GTPBP2: variants seen among roughly 807,000 people sequenced by gnomAD.
The protein encoded by GTPBP2 is GTP binding protein 2.
Under a neutral mutation model 63.0 loss-of-function variants are expected in GTPBP2, and 32 were observed. The ratio of observed to expected loss-of-function variants is 0.51; its 90% CI spans 0.38 to 0.68. GTPBP2 has a LOEUF of 0.68. Among genes scored for constraint, GTPBP2 ranks in the 30% least tolerant of loss-of-function variants. GTPBP2 has a pLI of 0.00. For missense variants in GTPBP2, 492 were observed against 796.9 expected (o/e 0.62, Z 4.61); for synonymous variants, 310 against 322.6 (o/e 0.96, Z 0.42).
At chr6:43,623,564 A>G in intron 9 of GTPBP2, 173 bp downstream of exon 9, 1 of 623,030 alleles carries the variant, frequency 1.6e-6, no homozygotes. Flanking sequence ...CTTCCCTCCA[A>G]AGCCAACAGA....
chr6:43,623,414 G>GAAAGA (rs1768983105), intron 9 of GTPBP2: 2 of 325,372 alleles, frequency 6.1e-6, no homozygotes, highest in African/African-American at 4.3e-5. Context: ...AAGAAAGAAA[G>GAAAGA]AAGAGTCTTA....
At chr6:43,627,942 A>G (rs1769510659) in intron 1 of GTPBP2, among the ~76,000 whole-genome samples, 1 of 152,246 alleles carries the variant, frequency 6.6e-6, no homozygotes, top group Non-Finnish European at 1.5e-5. Context: ...AATGTGGTAC[A>G]AGAATGACAG....
chr6:43,622,103 A>G lies in GTPBP2; in HGVS notation c.1532T>C (p.Val511Ala), dbSNP rs1476010728. The G allele has an allele frequency of 6.2e-7, 1 of 1,613,904 alleles. No homozygotes were observed. The highest frequency in any genetic ancestry group is 8.5e-7 in the Non-Finnish European group (1 of 1,179,936). ...GAAGGTGGTGGCATGGAACAGTAAG[A>G]CTATCTCTGCCTCAAACACCGAGCA... Reference protein sequence around the residue: ...TICSVFEAEIVLLFHATTFRR... With the variant: ...TICSVFEAEIALLFHATTFRR... The change falls in exon 11 of 12, where the codon GTC becomes GCC. Residue 511 changes from valine to alanine, a missense_variant. By Grantham distance (64) the Val-to-Ala change is moderately conservative (BLOSUM62 0). Transcript: ENST00000307126. This position sits in a 1 kb window ranked among gnomAD's most constrained non-coding sequence, Gnocchi z 5.4.
rs1769071348 is a variant in GTPBP2 at position 43,624,063 on chromosome 6, G to A, written c.1106C>T (p.Thr369Ile). The A allele has an allele frequency of 6.2e-7, 1 of 1,612,326 alleles. No individual in the cohort carries two copies. Among genetic ancestry groups the A allele is most frequent in the Non-Finnish European group, 8.5e-7 (1 of 1,178,878 alleles). ...AQQFAQSPNV[T>I]PIFTLSSVSG... Reference sequence around the variant, plus strand: ...CACACTGGACAATGTGAAGATGGGGGTGACACTGTAGAGGGAGGCATGGAA... The same window carrying A: ...CACACTGGACAATGTGAAGATGGGGATGACACTGTAGAGGGAGGCATGGAA... The change falls in exon 8 of 12, where the codon ACC becomes ATC. Residue 369 changes from threonine to isoleucine, a missense_variant. By Grantham distance (89) the Thr-to-Ile change is moderately conservative (BLOSUM62 -1). This residue lies in a region of GTPBP2 where 400 missense variants were observed against 710.8 expected (regional missense o/e 0.56). Coordinates refer to ENST00000307126, the MANE Select transcript of GTPBP2 (RefSeq NM_019096.5). The surrounding 1 kb of genome is among the most constrained non-coding windows in gnomAD (Gnocchi z 5.1).
chr6:43,625,485 C>T lies in GTPBP2; in HGVS notation c.583G>A (p.Gly195Arg). ...CGGCCCCGCCCATTGTCCAGCTCTC[C>T]CTGGGTCAGGACTCCAAGCAGAGTT... ...KSTLLGVLTQ[G>R]ELDNGRGRAR... is the part of the protein sequence containing the mutation. Residue 195 changes from glycine to arginine, a missense_variant, in exon 5 of 12, where the codon GGA (glycine) becomes AGA (arginine). Transcript: ENST00000307126. This position sits in a 1 kb window ranked among gnomAD's most constrained non-coding sequence, Gnocchi z 5.1. The T allele has an allele frequency of 6.2e-7, 1 of 1,614,004 alleles. No individual in the cohort carries two copies. Among genetic ancestry groups the T allele is most frequent in the Non-Finnish European group, 8.5e-7 (1 of 1,179,898 alleles).
chr6:43,629,626 G>A, upstream of GTPBP2: 5 of 1,008,182 alleles, frequency 5.0e-6, no homozygotes, highest in Middle Eastern at 3.0e-4. Flanking sequence ...CTTTGTGGGC[G>A]CTCCGGGATT....
upstream of GTPBP2, chr6:43,629,461 C>A (rs186051794): frequency 2.8e-5 from 16 of 568,518 alleles, no homozygotes; most frequent in Non-Finnish European, 4.9e-5. Context: ...GGGGAAGGAG[C>A]GCGCCTTGGC....
chr6:43,630,813 G>A (rs1215794654), upstream of GTPBP2, among the ~76,000 whole-genome samples: 1 of 149,904 alleles, frequency 6.7e-6, no homozygotes, highest in Non-Finnish European at 1.5e-5. Context: ...GGAGACTGAG[G>A]CAGGAGAATC....
upstream of GTPBP2, chr6:43,629,534 G>A (rs1440619483): frequency 2.4e-5 from 15 of 636,026 alleles, no homozygotes; most frequent in African/African-American, 1.8e-5. Context: ...CTTTTTCTAG[G>A]ACTTGGGGGG....
In GTPBP2 at chr6:43,621,154, T is replaced by G. The variant is rs769827721; in HGVS notation, c.*460A>C. 3.0e-6 allele frequency: 1 copy of G among 330,764 alleles called. No homozygotes were observed. Among genetic ancestry groups the G allele is most frequent in the Non-Finnish European group, 6.0e-6 (1 of 165,566 alleles). The allele number at this position is 330,764 out of a possible 1,614,324, so 20.5% of individuals were successfully genotyped here. On this transcript the variant is annotated 3_prime_UTR_variant, in exon 12 of 12. Coordinates refer to ENST00000307126, the MANE Select transcript of GTPBP2 (RefSeq NM_019096.5). ...AGATGGCCAAGAGCAGATAACCTTT[T>G]GTCCACAGCCAGGTAGAGATGGGCA...
chr6:43,624,192 G>T lies in GTPBP2; in HGVS notation c.1101-124C>A. The T allele has an allele frequency of 1.2e-6, 1 of 805,602 alleles. No homozygotes were observed. 49.9% of individuals were successfully genotyped at this position (805,602 alleles called of 1,614,324 possible). A position where few individuals can be genotyped will look rare whatever the true frequency, so the allele number is the denominator to read the frequency against. On this transcript the variant is annotated intron_variant, in intron 7 of 11. Transcript: ENST00000307126. This position sits in a 1 kb window ranked among gnomAD's most constrained non-coding sequence, Gnocchi z 5.1. The stretch of plus-strand genomic sequence containing the variant: ...GGGCCCCTCTCTCCTGTCTGCAAAT[G>T]GCTCAGGAACTCTGGGCCTTCTTGT...
chr6:43,621,773 G>T lies in GTPBP2; in HGVS notation c.1650C>A (p.Gly550=). Residue 550 remains glycine, a synonymous_variant, in exon 12 of 12, where the codon GGC becomes GGA. Coordinates refer to ENST00000307126, the MANE Select transcript of GTPBP2 (RefSeq NM_019096.5). ...KIHAKDKLRT[G]EKAVVRFRFL... ...AGCGGAAACGTACCACTGCCTTCTC[G>T]CCTGTCCGCAGTTTGTCCTGCAGCA... 1 of 1,614,126 alleles carries T rather than the reference G, an allele frequency of 6.2e-7. No homozygotes were observed. The highest frequency in any genetic ancestry group is 8.5e-7 in the Non-Finnish European group (1 of 1,180,022).
At position 43,622,868 on chromosome 6, in the gene GTPBP2, G is replaced by T; in HGVS notation, c.1296-64C>A. 7.8e-7 allele frequency: 1 copy of T among 1,285,598 alleles called. No homozygotes were observed. The highest frequency in any genetic ancestry group is 1.1e-6 in the Non-Finnish European group (1 of 914,044). 79.6% of individuals were successfully genotyped at this position (1,285,598 alleles called of 1,614,324 possible). The stretch of plus-strand genomic sequence containing the variant: ...GTCCCCATACCTACTTCTCTATTAG[G>T]ATCACCCAGAGCATTCCTTCCCTTC... On this transcript the variant is annotated intron_variant, in intron 9 of 11. Transcript: ENST00000307126. The surrounding 1 kb of genome is among the most constrained non-coding windows in gnomAD (Gnocchi z 5.4).
At chr6:43,630,789 G>C (rs1242783851), upstream of GTPBP2, among the ~76,000 whole-genome samples, 1 of 148,858 alleles carries the variant, frequency 6.7e-6, no homozygotes, top group South Asian at 2.1e-4. Context: ...CACATCTGTG[G>C]TCCCAGCTGC....
chr6:43,625,194 G>T lies in GTPBP2; in HGVS notation c.706-132C>A, dbSNP rs1385264274. On this transcript the variant is annotated intron_variant, in intron 5 of 11. Transcript: ENST00000307126. The surrounding 1 kb of genome is among the most constrained non-coding windows in gnomAD (Gnocchi z 5.1). The stretch of plus-strand genomic sequence containing the variant: ...ACCCCATTTTTTATTTAATTTAGTT[G>T]ATTCCCCATTGATTTCCTAAGAGGG... 2 of 1,037,982 alleles carry T rather than the reference G, an allele frequency of 1.9e-6. No individual in the cohort carries two copies. Among genetic ancestry groups the T allele is most frequent in the Non-Finnish European group, 2.9e-6 (2 of 695,392 alleles). 64.3% of individuals were successfully genotyped at this position (1,037,982 alleles called of 1,614,324 possible). A position where few individuals can be genotyped will look rare whatever the true frequency, so the allele number is the denominator to read the frequency against.
chr6:43,630,824 G>A (rs1374459895), upstream of GTPBP2, among the ~76,000 whole-genome samples: 8 of 146,294 alleles, frequency 5.5e-5, no homozygotes, highest in African/African-American at 1.8e-4. Flanking sequence ...CAGGAGAATC[G>A]CTTGAACTCG....
In GTPBP2 at chr6:43,622,292, G is replaced by T; in HGVS notation, c.1468-125C>A. ...TCCTCTACACAACTCTAAACACAAA[G>T]ACCTCAAAAGACAATAATCAAAACT... On this transcript the variant is annotated intron_variant, in intron 10 of 11. Coordinates refer to ENST00000307126, the MANE Select transcript of GTPBP2 (RefSeq NM_019096.5). The surrounding 1 kb of genome is among the most constrained non-coding windows in gnomAD (Gnocchi z 5.4). 1.3e-6 allele frequency: 1 copy of T among 757,450 alleles called. No homozygotes were observed. Among genetic ancestry groups the T allele is most frequent in the Non-Finnish European group, 2.1e-6 (1 of 475,856 alleles). 46.9% of individuals were successfully genotyped at this position (757,450 alleles called of 1,614,324 possible).
At position 43,624,187 on chromosome 6, in the gene GTPBP2, CA is replaced by C; in HGVS notation, c.1101-120del. 1 of 836,770 alleles carries C rather than the reference CA, an allele frequency of 1.2e-6. No individual in the cohort carries two copies. Among genetic ancestry groups the C allele is most frequent in the Non-Finnish European group, 1.8e-6 (1 of 543,184 alleles). 51.8% of individuals were successfully genotyped at this position (836,770 alleles called of 1,614,324 possible). On this transcript the variant is annotated intron_variant, in intron 7 of 11. Coordinates refer to ENST00000307126, the MANE Select transcript of GTPBP2 (RefSeq NM_019096.5). This position sits in a 1 kb window ranked among gnomAD's most constrained non-coding sequence, Gnocchi z 5.1. ...GCTGGGGGCCCCTCTCTCCTGTCTG[CA>C]AATGGCTCAGGAACTCTGGGCCTTC...
At position 43,625,681 on chromosome 6, in the gene GTPBP2, G is replaced by A; in HGVS notation, c.507+75C>T. The A allele has an allele frequency of 7.0e-7, 1 of 1,430,054 alleles. No individual in the cohort carries two copies. The highest frequency in any genetic ancestry group is 9.9e-7 in the Non-Finnish European group (1 of 1,012,458). The allele number at this position is 1,430,054 out of a possible 1,614,324, so 88.6% of individuals were successfully genotyped here. Reference sequence around the variant, plus strand: ...TGAACTGGAAGCCCCCAGGATCCCAGGCCAGGAGACAGCCTGCCACCACAG... The same window carrying A: ...TGAACTGGAAGCCCCCAGGATCCCAAGCCAGGAGACAGCCTGCCACCACAG... On this transcript the variant is annotated intron_variant, in intron 4 of 11. Coordinates refer to ENST00000307126, the MANE Select transcript of GTPBP2 (RefSeq NM_019096.5). This position sits in a 1 kb window ranked among gnomAD's most constrained non-coding sequence, Gnocchi z 5.1.
Sources: gnomAD v4.1 joint callset for allele counts (sites outside exome capture counted in the v4.1 genomes callset) on GRCh38, gnomAD v4.1.1 for gene constraint, gnomAD v4.1.1 regional missense constraint, Gnocchi (gnomAD v3.1) non-coding constraint, MANE v1.5 for transcripts, NCBI Gene and HGNC (gene_info 2026-07-23, HGNC 2026-07-21) for gene names.